The following SLC25A23 variants were observed in gnomAD, a reference collection of about 807,000 sequenced individuals.
SLC25A23 encodes mitochondrial adenyl nucleotide antiporter SLC25A23.
In SLC25A23, 32 loss-of-function variants were observed where a neutral mutation model predicts 53.9. The ratio of observed to expected loss-of-function variants is 0.59; its 90% CI spans 0.45 to 0.80. The LOEUF is 0.80. Ranked by LOEUF, SLC25A23 falls within the 30% of genes least tolerant of loss-of-function variation. SLC25A23 has a pLI of 0.00. For missense variants in SLC25A23, 575 were observed against 651.4 expected (o/e 0.88, Z 1.28); for synonymous variants, 275 against 264.5 (o/e 1.04, Z -0.38).
downstream of SLC25A23, among the ~76,000 whole-genome samples, chr19:6,436,899 AG>A (rs2092330846): frequency 6.6e-6 from 1 of 151,856 alleles, no homozygotes; most frequent in Non-Finnish European, 1.5e-5. Flanking sequence ...CCCAGGCTGG[AG>A]TGCAATGGAC....
In SLC25A23 at chr19:6,452,327, G is replaced by A. The variant is rs773613499; in HGVS notation, c.1056C>T (p.Asp352=). 8 of 1,612,768 alleles carry A rather than the reference G, an allele frequency of 5.0e-6. No homozygotes were observed. Among genetic ancestry groups the A allele is most frequent in the South Asian group, 4.4e-5 (4 of 90,796 alleles). ...GCCCACAGACCTCGTAGACGGCCAG[G>A]TCGATGCCCGCATAGGGGATGATGC... is the stretch of plus-strand genomic sequence containing the variant. ...VLGIIPYAGI[D]LAVYETLKNW... is the part of the protein sequence containing the mutation. The change falls in exon 8 of 10, where the codon GAC becomes GAT. Residue 352 remains aspartate (D), a synonymous_variant. Coordinates refer to ENST00000301454, the MANE Select transcript of SLC25A23 (RefSeq NM_024103.3).
chr19:6,456,578 G>A (rs1401198609), intron 3 of SLC25A23, 47 bp from the exon 4 acceptor site: 1 of 1,498,284 alleles, frequency 6.7e-7, no homozygotes, highest in Non-Finnish European at 9.3e-7. Context: ...AGTGCCTGGG[G>A]GTGGGCTAGG....
At chr19:6,453,868 T>C (rs2092631779) in intron 7 of SLC25A23, 113 bp downstream of exon 7, 4 of 828,790 alleles carry the variant, frequency 4.8e-6, no homozygotes, top group Admixed American at 3.1e-5. Context: ...ATACTCCAAA[T>C]CAGAGAGGGA....
At chr19:6,443,751 G>A (rs981287701) in intron 9 of SLC25A23, 21 of 622,426 alleles carry the variant, frequency 3.4e-5, no homozygotes, top group South Asian at 1.8e-4. Flanking sequence ...TGGAGGGGAC[G>A]GGGGGAAATA....
chr19:6,455,721 T>C (rs1382272234), intron 4 of SLC25A23, among the ~76,000 whole-genome samples: 3 of 39,236 alleles, frequency 7.6e-5, no homozygotes, highest in African/African-American at 3.9e-4. Context: ...TTTTTTTTTT[T>C]TTTTTTTTTT....
In SLC25A23 at chr19:6,454,655, C is replaced by T. The variant is rs61729399; in HGVS notation, c.546G>A (p.Thr182=). 1,701 of 1,614,084 alleles carry T rather than the reference C, an allele frequency of 1.1e-3. 17 individuals carry two copies. The African/African-American group carries it at 0.02, about 19-fold the overall frequency. Reference sequence around the variant, plus strand: ...CCACCAGCTGTTTCCACCACATGCCCGTCAGCTTCTCTTGCTTTGAGAACT... The same window carrying T: ...CCACCAGCTGTTTCCACCACATGCCTGTCAGCTTCTCTTGCTTTGAGAACT... ...PDEFSKQEKL[T]GMWWKQLVAG... is the part of the protein sequence containing the mutation. The change falls in exon 5 of 10, where the codon ACG becomes ACA. Residue 182 remains threonine, a synonymous_variant. Transcript: ENST00000301454. The surrounding 1 kb of genome is among the most constrained non-coding windows in gnomAD (Gnocchi z 4.3).
Position 6,459,004 on chromosome 19 carries a change from C to A in SLC25A23, c.156+469G>T, listed in dbSNP as rs578052858. ...GGATTGGGTCCCTGGCTGGGGCAGC[C>A]CGGGACAGTGAGCCAGGCCCGTGAA... On this transcript the variant is annotated intron_variant, in intron 1 of 9. Transcript: ENST00000301454. This position sits in a 1 kb window ranked among gnomAD's most constrained non-coding sequence, Gnocchi z 4.6. 2.6e-5 allele frequency among the ~76,000 whole-genome samples: 4 copies of A among 152,252 alleles called. No homozygotes were observed. The highest frequency in any genetic ancestry group is 4.4e-5 in the Non-Finnish European group (3 of 68,008).
At position 6,442,017 on chromosome 19, in the gene SLC25A23, G is replaced by GGAGA; in HGVS notation, c.1364_1365insTCTC (p.Tyr456LeufsTer57). ...CCAAGGCCTGCTTCATGTTCTCGTA[G>GGAGA]ACCACATAGGAGATGCTCACAGCTG... On this transcript the variant is annotated frameshift_variant, in exon 10 of 10. Coordinates refer to ENST00000301454, the MANE Select transcript of SLC25A23 (RefSeq NM_024103.3). LOFTEE classifies it high-confidence loss of function. 6.2e-7 allele frequency: 1 copy of GGAGA among 1,613,942 alleles called. No homozygotes were observed.
chr19:6,449,786 G>A (rs1376678167), intron 8 of SLC25A23, among the ~76,000 whole-genome samples: 2 of 151,362 alleles, frequency 1.3e-5, no homozygotes, highest in African/African-American at 2.4e-5. Context: ...CTCCCACCTC[G>A]GCCTCCCAAA....
chr19:6,442,029 G>C lies in SLC25A23; in HGVS notation c.1353C>G (p.Ile451Met). The C allele has an allele frequency of 6.2e-7, 1 of 1,613,938 alleles. No individual in the cohort carries two copies. Among genetic ancestry groups the C allele is most frequent in the South Asian group, 1.1e-5 (1 of 91,068 alleles). Residue 451 changes from isoleucine to methionine, a missense_variant, in exon 10 of 10, where the codon ATC becomes ATG. By Grantham distance (10) the Ile-to-Met change is conservative (BLOSUM62 1). Coordinates refer to ENST00000301454, the MANE Select transcript of SLC25A23 (RefSeq NM_024103.3). ...NFMKVIPAVS[I>M]SYVVYENMKQ... The stretch of plus-strand genomic sequence containing the variant: ...TCATGTTCTCGTAGACCACATAGGA[G>C]ATGCTCACAGCTGGAATAACCTTCA...
At chr19:6,450,021 C>T (rs899422752) in intron 8 of SLC25A23, among the ~76,000 whole-genome samples, 2 of 151,398 alleles carry the variant, frequency 1.3e-5, no homozygotes, top group Non-Finnish European at 2.9e-5. Context: ...CCACGCTCGG[C>T]TAATTTTTGT....
At chr19:6,436,498 A>G (rs1466165930), downstream of SLC25A23, 4 of 350,658 alleles carry the variant, frequency 1.1e-5, no homozygotes, top group East Asian at 9.3e-5. Context: ...AGAAAGGGGG[A>G]GAGAGAGAGA....
At chr19:6,438,695 A>T (rs1488656392), downstream of SLC25A23, 1 of 225,712 alleles carries the variant, frequency 4.4e-6, no homozygotes, top group Middle Eastern at 6.2e-4. Flanking sequence ...CTAAAAATAC[A>T]AAAATTAGCC....
rs539939218 is a variant in SLC25A23 at position 6,441,763 on chromosome 19, G to A, written c.*212C>T. On this transcript the variant is annotated 3_prime_UTR_variant, in exon 10 of 10. Transcript: ENST00000301454. Reference sequence around the variant, plus strand: ...ATCTAGTGGCTGAAGGGTGGGGATCGCATGACCCAGTGGTTGGGGCATAGG... The same window carrying A: ...ATCTAGTGGCTGAAGGGTGGGGATCACATGACCCAGTGGTTGGGGCATAGG... 1.0e-5 allele frequency: 6 copies of A among 574,930 alleles called. No homozygotes were observed. Among genetic ancestry groups the A allele is most frequent in the African/African-American group, 3.8e-5 (2 of 52,682 alleles). 35.6% of individuals were successfully genotyped at this position (574,930 alleles called of 1,614,324 possible). A position where few individuals can be genotyped will look rare whatever the true frequency, so the allele number is the denominator to read the frequency against.
Position 6,444,210 on chromosome 19 carries a change from G to A in SLC25A23, c.1163C>T (p.Thr388Ile), listed in dbSNP as rs1344643265. Residue 388 changes from threonine to isoleucine, a missense_variant, in exon 9 of 10, where the codon ACC (threonine) becomes ATC (isoleucine). By Grantham distance (89) the Thr-to-Ile change is moderately conservative. Coordinates refer to ENST00000301454, the MANE Select transcript of SLC25A23 (RefSeq NM_024103.3). ...VLLACGTISS[T>I]CGQIASYPLA... Reference sequence around the variant, plus strand: ...CGGGTAACTGGCTATCTGGCCGCAGGTGCTGGATATGGTACCGCAGGCCAG... The same window carrying A: ...CGGGTAACTGGCTATCTGGCCGCAGATGCTGGATATGGTACCGCAGGCCAG... 5 of 1,603,568 alleles carry A rather than the reference G, an allele frequency of 3.1e-6. No homozygotes were observed. The highest frequency in any genetic ancestry group is 4.3e-6 in the Non-Finnish European group (5 of 1,175,792).
intron 4 of SLC25A23, among the ~76,000 whole-genome samples, chr19:6,455,293 C>T (rs536241639): frequency 5.3e-4 from 80 of 152,234 alleles, no homozygotes; most frequent in African/African-American, 1.9e-3. Flanking sequence ...AAAGATCCCT[C>T]AGGGCAAATG....
At chr19:6,457,636 C>G in intron 2 of SLC25A23, 46 bp from the exon 3 acceptor site, 1 of 1,528,684 alleles carries the variant, frequency 6.5e-7, no homozygotes, top group Non-Finnish European at 9.1e-7. Context: ...TGTGAGGACA[C>G]CTGGGGAACC....
intron 8 of SLC25A23, among the ~76,000 whole-genome samples, chr19:6,444,883 G>A (rs1199910723): frequency 6.6e-6 from 1 of 152,024 alleles, no homozygotes; most frequent in African/African-American, 2.4e-5. Context: ...TGGCCAGGAT[G>A]GTCTCAATCT....
At chr19:6,451,975 G>C (rs1264018355) in intron 8 of SLC25A23, among the ~76,000 whole-genome samples, 1 of 151,750 alleles carries the variant, frequency 6.6e-6, no homozygotes, top group East Asian at 1.9e-4. Flanking sequence ...CTCATGCCTC[G>C]GCCTTTTGGA....
Sources: allele counts gnomAD v4.1 joint callset (sites outside exome capture counted in the v4.1 genomes callset), GRCh38; gene constraint gnomAD v4.1.1; non-coding constraint Gnocchi (gnomAD v3.1); transcripts MANE v1.5; gene names NCBI Gene and HGNC (gene_info 2026-07-23, HGNC 2026-07-21).